Variants in MDM2 observed in about 807,000 individuals in gnomAD.
The protein encoded by MDM2 is E3 ubiquitin-protein ligase Mdm2.
MDM2 carries 11 observed loss-of-function variants against 64.3 expected under a neutral mutation model. That is an observed-to-expected ratio of 0.17 (90% confidence interval 0.11 to 0.28). The LOEUF is 0.28. Among genes scored for constraint, MDM2 ranks in the 10% least tolerant of loss-of-function variants. MDM2 has a pLI of 1.00. For missense variants in MDM2, 388 were observed against 577.1 expected, an observed-to-expected ratio of 0.67 and a Z score of 3.36; for synonymous variants, 194 against 192.9, an observed-to-expected ratio of 1.01 and a Z score of -0.05.
At chr12:68,810,619 G>A (rs1025055258) in intron 2 of MDM2, among the ~76,000 whole-genome samples, 1 of 151,600 alleles carries the variant, frequency 6.6e-6, no homozygotes, top group Non-Finnish European at 1.5e-5. Context: ...CCACCACCAC[G>A]CCCGGCTAAT....
intron 8 of MDM2, among the ~76,000 whole-genome samples, chr12:68,832,682 T>C (rs1423903146): frequency 4.6e-5 from 6 of 130,124 alleles, no homozygotes; most frequent in African/African-American, 1.6e-4. Context: ...CTGGCTAATT[T>C]TTTTTACTTT....
chr12:68,813,451 T>C, intron 2 of MDM2, 103 bp from the exon 3 acceptor site: 3 of 727,148 alleles, frequency 4.1e-6, no homozygotes, highest in Middle Eastern at 2.6e-4. Flanking sequence ...CCCCAGCATT[T>C]TTTCCAAATC....
At chr12:68,820,547 T>C (rs1464650651) in intron 5 of MDM2, 173 bp downstream of exon 5, 1 of 582,404 alleles carries the variant, frequency 1.7e-6, no homozygotes, top group Non-Finnish European at 3.1e-6. Flanking sequence ...AACCACATAC[T>C]GAGGTTCTAA....
At chr12:68,849,793 A>G (rs1390207868), downstream of MDM2, 1 of 149,404 alleles carries the variant, frequency 6.7e-6, no homozygotes, top group Non-Finnish European at 1.5e-5. Context: ...TTGTATTTTC[A>G]GTAGAGATGG....
chr12:68,817,753 GA>G (rs988064784), intron 4 of MDM2, among the ~76,000 whole-genome samples: 25 of 150,984 alleles, frequency 1.7e-4, no homozygotes, highest in Non-Finnish European at 3.2e-4. Flanking sequence ...AACTGCATCT[GA>G]AAAAAAAATT....
Position 68,808,450 on chromosome 12 carries a change from C to T in MDM2, c.-28C>T, listed in dbSNP as rs1438381595. The T allele has an allele frequency of 2.5e-6, 4 of 1,613,978 alleles. No individual in the cohort carries two copies. In the East Asian group the frequency reaches 8.9e-5, roughly 36 times the overall value. The stretch of plus-strand genomic sequence containing the variant: ...AAGGAAACTGGGGAGTCTTGAGGGA[C>T]CCCCGACTCCAAGCGCGAAAACCCC... On this transcript the variant is annotated 5_prime_UTR_variant, in exon 1 of 11. Coordinates refer to ENST00000258149, the MANE Select transcript of MDM2 (RefSeq NM_002392.6).
Position 68,844,909 on chromosome 12 carries a change from A to G in MDM2, c.*5060A>G. On this transcript the variant is annotated 3_prime_UTR_variant, in exon 11 of 11. Coordinates refer to ENST00000258149, the MANE Select transcript of MDM2 (RefSeq NM_002392.6). ...CAGCCTCCCAAGTAGCTGGGGTTAG[A>G]GCACCCTGTCACCACGCCCCGCTAA... The G allele has an allele frequency of 5.0e-6, 1 of 200,870 alleles. No individual in the cohort carries two copies. The allele number at this position is 200,870 out of a possible 1,614,324, so 12.4% of individuals were successfully genotyped here. A position where few individuals can be genotyped will look rare whatever the true frequency, so the allele number is the denominator to read the frequency against.
rs763055876 is a variant in MDM2, at chr12:68,835,839, CTGG to C, written c.698_700del (p.Gly233del). On this transcript the variant is annotated inframe_deletion, in exon 9 of 11. Transcript: ENST00000258149. ...TTTTTCTTGTTTTAGGATCTTGATGCTGGTGTAAGTGAACATTCAGGTGATTGG... is the reference window on the plus strand; with the variant it reads ...TTTTTCTTGTTTTAGGATCTTGATGCTGTAAGTGAACATTCAGGTGATTGG... 2.5e-6 allele frequency: 4 copies of C among 1,611,032 alleles called. No individual in the cohort carries two copies. The Admixed American group carries it at 6.7e-5, about 27-fold the overall frequency.
intron 2 of MDM2, among the ~76,000 whole-genome samples, chr12:68,811,763 G>A (rs1175413974): frequency 1.3e-5 from 2 of 151,752 alleles, no homozygotes; most frequent in Non-Finnish European, 1.5e-5. Flanking sequence ...CTCCACACCC[G>A]GATAATTTTT....
At chr12:68,813,717 A>G in intron 3 of MDM2, 89 bp downstream of exon 3, 1 of 889,754 alleles carries the variant, frequency 1.1e-6, no homozygotes, top group Non-Finnish European at 1.8e-6. Context: ...AATTGGCCAT[A>G]TAGAAGGATT....
Position 68,824,601 on chromosome 12 carries a change from T to G in MDM2, c.473T>G (p.Leu158Trp). 6.2e-7 allele frequency: 1 copy of G among 1,613,618 alleles called. No homozygotes were observed. The highest frequency in any genetic ancestry group is 8.5e-7 in the Non-Finnish European group (1 of 1,179,926). ...GAAGAGAAACCTTCATCTTCACATTTGGTTTCTAGACCATCTACCTCATCT... is the reference window on the plus strand; with the variant it reads ...GAAGAGAAACCTTCATCTTCACATTGGGTTTCTAGACCATCTACCTCATCT... ...LQEEKPSSSH[L>W]VSRPSTSSRR... Residue 158 changes from leucine to tryptophan, a missense_variant, in exon 7 of 11, where the codon TTG becomes TGG. Leu to Trp is a moderately conservative substitution (Grantham distance 61, BLOSUM62 -2). Coordinates refer to ENST00000258149, the MANE Select transcript of MDM2 (RefSeq NM_002392.6).
In MDM2 at chr12:68,841,998, T is replaced by G; in HGVS notation, c.*2149T>G. Reference sequence around the variant, plus strand: ...ATGTTCATCTGCAGCTGTTGCAAGGTGTTCAGATTGTATAAACATAAATGT... The same window carrying G: ...ATGTTCATCTGCAGCTGTTGCAAGGGGTTCAGATTGTATAAACATAAATGT... On this transcript the variant is annotated 3_prime_UTR_variant, in exon 11 of 11. Transcript: ENST00000258149. 2 of 398,226 alleles carry G rather than the reference T, an allele frequency of 5.0e-6. No individual in the cohort carries two copies. Among genetic ancestry groups the G allele is most frequent in the South Asian group, 4.8e-5 (2 of 41,468 alleles). The allele number at this position is 398,226 out of a possible 1,614,324, so 24.7% of individuals were successfully genotyped here. A position where few individuals can be genotyped will look rare whatever the true frequency, so the allele number is the denominator to read the frequency against.
At chr12:68,812,723 A>G (rs1881013632) in intron 2 of MDM2, among the ~76,000 whole-genome samples, 1 of 152,200 alleles carries the variant, frequency 6.6e-6, no homozygotes, top group Non-Finnish European at 1.5e-5. Flanking sequence ...TGCTGGGGTT[A>G]TAGGCAAGAG....
rs1881749285 is a variant in MDM2, at chr12:68,820,425, A to G, written c.358+51A>G. On this transcript the variant is annotated intron_variant, in intron 5 of 10. Transcript: ENST00000258149. ...TAAATACCATAAAAACGTTTTAAAG[A>G]CATTTTTGTTTATGTGCATATGTTT... 3 of 1,421,644 alleles carry G rather than the reference A, an allele frequency of 2.1e-6. No homozygotes were observed. In the South Asian group the frequency reaches 3.7e-5, roughly 18 times the overall value. 88.1% of individuals were successfully genotyped at this position (1,421,644 alleles called of 1,614,324 possible). A position where few individuals can be genotyped will look rare whatever the true frequency, so the allele number is the denominator to read the frequency against.
rs748989435 is a variant in MDM2 at position 68,841,953 on chromosome 12, T to C, written c.*2104T>C. The C allele has an allele frequency of 2.3e-5, 8 of 349,782 alleles. No homozygotes were observed. The highest frequency in any genetic ancestry group is 4.4e-5 in the Non-Finnish European group (8 of 181,362). 21.7% of individuals were successfully genotyped at this position (349,782 alleles called of 1,614,324 possible). A position where few individuals can be genotyped will look rare whatever the true frequency, so the allele number is the denominator to read the frequency against. On this transcript the variant is annotated 3_prime_UTR_variant, in exon 11 of 11. Coordinates refer to ENST00000258149, the MANE Select transcript of MDM2 (RefSeq NM_002392.6). The stretch of plus-strand genomic sequence containing the variant: ...GAAGTGTTAGTTTCTTTGGGACCCA[T>C]CTACCCTGACCACATCATGATGTTC...
intron 7 of MDM2, among the ~76,000 whole-genome samples, chr12:68,826,976 A>G (rs1352798303): frequency 6.6e-6 from 1 of 152,112 alleles, no homozygotes; most frequent in African/African-American, 2.4e-5. Flanking sequence ...GGAGATTGAG[A>G]CCATCCTGGC....
intron 10 of MDM2, among the ~76,000 whole-genome samples, chr12:68,838,791 T>C (rs965336743): frequency 3.9e-5 from 6 of 152,214 alleles, no homozygotes; most frequent in African/African-American, 1.2e-4. Flanking sequence ...ACTTTATAGG[T>C]ACATGATTAA....
Position 68,810,521 on chromosome 12 carries a change from G to A in MDM2, c.99+1229G>A, listed in dbSNP as rs192129546. 7.2e-5 allele frequency among the ~76,000 whole-genome samples: 11 copies of A among 151,850 alleles called. No homozygotes were observed. In the East Asian group the frequency reaches 2.1e-3, roughly 30 times the overall value. ...CTGTCTCCCAGGCTGGAGTGCAGTG[G>A]CACAATCTCGGCTCACTGCAATCTC... On this transcript the variant is annotated intron_variant, in intron 2 of 10. Coordinates refer to ENST00000258149, the MANE Select transcript of MDM2 (RefSeq NM_002392.6).
intron 5 of MDM2, among the ~76,000 whole-genome samples, chr12:68,823,257 G>A (rs1882019221): frequency 6.6e-6 from 1 of 151,980 alleles, no homozygotes; most frequent in African/African-American, 2.4e-5. Context: ...TTTCCAAGGG[G>A]GGTAGTAAAG....
Sources: gnomAD v4.1 joint callset for allele counts (sites outside exome capture counted in the v4.1 genomes callset) on GRCh38, gnomAD v4.1.1 for gene constraint, MANE v1.5 for transcripts, NCBI Gene and HGNC (gene_info 2026-07-23, HGNC 2026-07-21) for gene names.